SORCS1: variants seen among roughly 807,000 people sequenced by gnomAD.
SORCS1 encodes the protein sortilin related VPS10 domain containing receptor 1.
A neutral mutation model predicts 146.1 loss-of-function variants in SORCS1; 60 were observed. The ratio of observed to expected loss-of-function variants is 0.41; its 90% confidence interval spans 0.33 to 0.51. The LOEUF (loss-of-function observed/expected upper bound fraction) is 0.51, where lower values mean the gene tolerates loss of function less well. Among genes scored for constraint, SORCS1 ranks in the 20% least tolerant of loss-of-function variants. The probability of loss-of-function intolerance (pLI) is 0.21; values close to 1 mark genes in which losing one functional copy is unlikely to be tolerated. For synonymous variants in SORCS1, 637 were observed against 584.0 expected (o/e 1.09, Z -1.31); for missense variants, 1,352 against 1,487.6 (o/e 0.91, Z 1.50).
At chr10:107,031,184 T>C (rs931464139) in intron 1 of SORCS1, among the ~76,000 whole-genome samples, 3 of 152,290 alleles carry the variant, frequency 2.0e-5, no homozygotes, top group Admixed American at 6.5e-5. Context: ...GATAGAACAA[T>C]CTCCTTTTTT....
chr10:107,113,160 T>C (rs2134469081), intron 1 of SORCS1, among the ~76,000 whole-genome samples: 1 of 152,282 alleles, frequency 6.6e-6, no homozygotes, highest in East Asian at 1.9e-4. Context: ...ACATATATTT[T>C]CTGACCACAA....
At chr10:107,128,978 T>A (rs907777317) in intron 1 of SORCS1, among the ~76,000 whole-genome samples, 1 of 152,200 alleles carries the variant, frequency 6.6e-6, no homozygotes, top group Admixed American at 6.5e-5. Flanking sequence ...GAAGTCCTTT[T>A]AAACCAATAA....
intron 2 of SORCS1, among the ~76,000 whole-genome samples, chr10:106,941,321 T>G (rs144494746): frequency 7.4e-4 from 112 of 152,276 alleles, no homozygotes; most frequent in African/African-American, 2.5e-3. Context: ...TAGTAGGTGA[T>G]CCACACTCAA....
rs1228415711 is a variant in SORCS1, at chr10:106,576,957, G to A, written c.*463C>T. ...TTATGAATTTTCTACAAACACGACC[G>A]ATCAGAAAAAAGAGAGAGAAGAAGA... On this transcript the variant is annotated 3_prime_UTR_variant, in exon 26 of 26. Coordinates refer to ENST00000263054, the MANE Select transcript of SORCS1 (RefSeq NM_052918.5). 2 of 247,172 alleles carry A rather than the reference G, an allele frequency of 8.1e-6. No individual in the cohort carries two copies. The highest frequency in any genetic ancestry group is 4.9e-5 in the South Asian group (1 of 20,242). The allele number at this position is 247,172 out of a possible 1,614,324, so 15.3% of individuals were successfully genotyped here. A position where few individuals can be genotyped will look rare whatever the true frequency, so the allele number is the denominator to read the frequency against.
intron 2 of SORCS1, among the ~76,000 whole-genome samples, chr10:106,876,826 A>G (rs370679288): frequency 2.0e-5 from 3 of 152,194 alleles, no homozygotes; most frequent in African/African-American, 4.8e-5. Flanking sequence ...CCATGTCACA[A>G]TATAACTTCT....
At chr10:106,953,392 C>A (rs1341871206) in intron 2 of SORCS1, among the ~76,000 whole-genome samples, 3 of 152,024 alleles carry the variant, frequency 2.0e-5, no homozygotes, top group Non-Finnish European at 4.4e-5. Context: ...TAAATAATTG[C>A]TATACTGTAT....
chr10:106,850,366 C>T (rs1187639773), intron 2 of SORCS1, among the ~76,000 whole-genome samples: 1 of 152,028 alleles, frequency 6.6e-6, no homozygotes, highest in Non-Finnish European at 1.5e-5. Flanking sequence ...CGTCCGTCAC[C>T]CCTTTCTTTG....
At chr10:106,631,586 G>C (rs927424552) in intron 18 of SORCS1, among the ~76,000 whole-genome samples, 4 of 152,156 alleles carry the variant, frequency 2.6e-5, no homozygotes, top group Admixed American at 6.5e-5. Flanking sequence ...CACTAGAGAG[G>C]GGGGAGGACA....
intron 2 of SORCS1, among the ~76,000 whole-genome samples, chr10:106,858,077 G>A (rs188922936): frequency 3.3e-5 from 5 of 152,260 alleles, no homozygotes. Flanking sequence ...AATTAGCTAA[G>A]GGGATTAAAC....
chr10:106,934,901 G>A (rs1289954957), intron 2 of SORCS1, among the ~76,000 whole-genome samples: 1 of 152,016 alleles, frequency 6.6e-6, no homozygotes, highest in Non-Finnish European at 1.5e-5. Context: ...AATGGACACT[G>A]GAAACTCAGA....
At position 106,706,594 on chromosome 10, in the gene SORCS1, C is replaced by A. The variant is rs575431793; in HGVS notation, c.1184G>T (p.Arg395Leu). The change falls in exon 8 of 26, where the codon CGA becomes CTA. Residue 395 changes from arginine (R) to leucine (L), a missense_variant. This residue lies in a region of SORCS1 where 648 missense variants were observed against 793.8 expected (regional missense o/e 0.82). Coordinates refer to ENST00000263054, the MANE Select transcript of SORCS1 (RefSeq NM_052918.5). The part of the protein sequence containing the change: ...GGRPHYYVSY[R>L]RNAFAQMKLP... ...CTTCATTTGGGCAAATGCATTCCTT[C>A]GGTAGGACACGTAGTAATGTGGCCG... 3.7e-6 allele frequency: 6 copies of A among 1,613,994 alleles called. No homozygotes were observed. Among genetic ancestry groups the A allele is most frequent in the Non-Finnish European group, 5.1e-6 (6 of 1,180,004 alleles).
upstream of SORCS1, among the ~76,000 whole-genome samples, chr10:107,167,833 C>T (rs928622523): frequency 1.3e-5 from 2 of 151,608 alleles, no homozygotes; most frequent in East Asian, 3.8e-4. Context: ...AAGAGAGAGA[C>T]AGAAGCAGAT....
intron 1 of SORCS1, among the ~76,000 whole-genome samples, chr10:107,093,090 G>A (rs1379795640): frequency 6.6e-6 from 1 of 152,112 alleles, no homozygotes; most frequent in African/African-American, 2.4e-5. Context: ...AATTCTTCAA[G>A]ATTCCATTGC....
intron 1 of SORCS1, among the ~76,000 whole-genome samples, chr10:107,143,204 C>T (rs1432653757): frequency 1.3e-5 from 2 of 152,166 alleles, no homozygotes; most frequent in African/African-American, 4.8e-5. Context: ...TGCAACTGGT[C>T]TCCCTTTTTT....
intron 1 of SORCS1, among the ~76,000 whole-genome samples, chr10:107,119,791 G>C (rs181433169): frequency 1.3e-5 from 2 of 152,204 alleles, no homozygotes; most frequent in East Asian, 3.9e-4. Context: ...GACTAAACAA[G>C]TAGATAGGTC....
Position 106,726,779 on chromosome 10 carries a change from G to A in SORCS1, c.1024+3271C>T, listed in dbSNP as rs1856220945. On this transcript the variant is annotated intron_variant, in intron 6 of 25. Coordinates refer to ENST00000263054, the MANE Select transcript of SORCS1 (RefSeq NM_052918.5). ...AGACCCGCAGCATGGATATCATCTA[G>A]GAGCTTGTTAGAAATGCAGACTCTC... Among the ~76,000 whole-genome samples, 3 of 152,274 alleles carry A rather than the reference G, an allele frequency of 2.0e-5. No homozygotes were observed. The South Asian group carries it at 6.2e-4, about 32-fold the overall frequency.
At chr10:107,018,378 G>A (rs975159360) in intron 1 of SORCS1, among the ~76,000 whole-genome samples, 1 of 151,672 alleles carries the variant, frequency 6.6e-6, no homozygotes, top group Non-Finnish European at 1.5e-5. Flanking sequence ...AGTAGAGACG[G>A]GGTTTCACCG....
chr10:106,809,928 A>C (rs1947375617), intron 3 of SORCS1, among the ~76,000 whole-genome samples: 1 of 152,178 alleles, frequency 6.6e-6, no homozygotes. Context: ...GAGGTGAAAA[A>C]TGTTTAAGTT....
At chr10:106,924,896 TTC>T (rs1417647576) in intron 2 of SORCS1, among the ~76,000 whole-genome samples, 5 of 152,142 alleles carry the variant, frequency 3.3e-5, no homozygotes, top group Non-Finnish European at 7.4e-5. Context: ...TATGTTTTCA[TTC>T]TGTTTTCAAC....
Sources: allele counts gnomAD v4.1 joint callset (sites outside exome capture counted in the v4.1 genomes callset), GRCh38; gene constraint gnomAD v4.1.1; regional missense constraint gnomAD v4.1.1; transcripts MANE v1.5; gene names NCBI Gene and HGNC (gene_info 2026-07-23, HGNC 2026-07-21).